SRRM4: variants seen among roughly 807,000 people sequenced by gnomAD.
The protein encoded by SRRM4 is serine/arginine repetitive matrix 4, also known as serine/arginine repetitive matrix protein 4.
SRRM4 carries 33 observed loss-of-function variants against 68.9 expected under a neutral mutation model. That is an observed-to-expected ratio of 0.48 (90% CI 0.36 to 0.64). The LOEUF (loss-of-function observed/expected upper bound fraction) is 0.64, where lower values mean the gene tolerates loss of function less well. Among genes scored for constraint, SRRM4 ranks in the 30% least tolerant of loss-of-function variants. The pLI, the probability that SRRM4 is intolerant of heterozygous loss-of-function variation, is 0.00. For missense variants in SRRM4, 817 were observed against 827.1 expected (o/e 0.99, Z 0.15); for synonymous variants, 318 against 318.8 (o/e 1.00, Z 0.03).
chr12:119,127,859 G>C, intron 7 of SRRM4, among the ~76,000 whole-genome samples: 1 of 152,228 alleles, frequency 6.6e-6, no homozygotes, highest in Non-Finnish European at 1.5e-5. Flanking sequence ...ACTGTGCTAA[G>C]ATTTTCAATA....
intron 1 of SRRM4, among the ~76,000 whole-genome samples, chr12:119,098,041 C>A (rs11609710): frequency 0.079 from 12,021 of 152,234 alleles, 529 homozygotes; most frequent in African/African-American, 0.1. Flanking sequence ...GTGTGACTTG[C>A]AAGAATTGGT....
intron 1 of SRRM4, among the ~76,000 whole-genome samples, chr12:119,081,269 GGGGA>G (rs1953946034): frequency 1.3e-5 from 2 of 152,186 alleles, no homozygotes; most frequent in Non-Finnish European, 2.9e-5. Context: ...AACATACATT[GGGGA>G]GGGAGTACCA....
At chr12:118,992,765 C>T (rs1291276609) in intron 1 of SRRM4, among the ~76,000 whole-genome samples, 2 of 152,150 alleles carry the variant, frequency 1.3e-5, no homozygotes, top group Non-Finnish European at 2.9e-5. Context: ...TCAAATATAG[C>T]CTCTTCATTT....
intron 1 of SRRM4, among the ~76,000 whole-genome samples, chr12:119,093,116 C>T (rs868048130): frequency 1.3e-5 from 2 of 152,142 alleles, no homozygotes; most frequent in Non-Finnish European, 2.9e-5. Flanking sequence ...TTTAAAATTG[C>T]AAGCCCCTCG....
intron 8 of SRRM4, chr12:119,144,701 T>A (rs2136065259): frequency 6.6e-6 from 1 of 152,308 alleles, no homozygotes; most frequent in East Asian, 1.9e-4. Flanking sequence ...CTGTTTAACT[T>A]CCATTTTTTT....
In SRRM4 at chr12:119,120,241, T is replaced by C. The variant is rs1954210862; in HGVS notation, c.438-9T>C. 1 of 1,544,662 alleles carries C rather than the reference T, an allele frequency of 6.5e-7. No homozygotes were observed. Among genetic ancestry groups the C allele is most frequent in the Non-Finnish European group, 8.8e-7 (1 of 1,142,688 alleles). ...CTTCTTTTCATTTTTTTTCTTTCTT[T>C]CTTTTCAGGTCATTCTCCAAGAAGA... is the stretch of plus-strand genomic sequence containing the variant. On this transcript the variant is annotated splice_polypyrimidine_tract_variant and intron_variant, in intron 4 of 12. Transcript: ENST00000267260.
chr12:119,023,857 GATAA>G (rs1953531104), intron 1 of SRRM4, among the ~76,000 whole-genome samples: 1 of 151,980 alleles, frequency 6.6e-6, no homozygotes, highest in Non-Finnish European at 1.5e-5. Context: ...TATTCCAATA[GATAA>G]ATACTGTTCC....
chr12:119,076,555 A>G (rs1180835365), intron 1 of SRRM4, among the ~76,000 whole-genome samples: 1 of 152,236 alleles, frequency 6.6e-6, no homozygotes, highest in Non-Finnish European at 1.5e-5. Flanking sequence ...TGAACTTCTC[A>G]TATATTAAAA....
At chr12:119,063,112 A>T (rs1158229165) in intron 1 of SRRM4, among the ~76,000 whole-genome samples, 46 of 152,212 alleles carry the variant, frequency 3.0e-4, no homozygotes, top group Admixed American at 3.0e-3. Context: ...CATTTAGAAA[A>T]CATTACTGGT....
chr12:119,160,202 G>A lies in SRRM4; in HGVS notation c.*3404G>A, dbSNP rs1358847901. ...GCAAGGGAGTGCCCCTTTCCTGGGTGAAGTTTACAAGAAGGCTGCTTAAAT... is the reference window on the plus strand; with the variant it reads ...GCAAGGGAGTGCCCCTTTCCTGGGTAAAGTTTACAAGAAGGCTGCTTAAAT... On this transcript the variant is annotated 3_prime_UTR_variant, in exon 13 of 13. Coordinates refer to ENST00000267260, the MANE Select transcript of SRRM4 (RefSeq NM_194286.4). 2 of 152,134 alleles carry A rather than the reference G, an allele frequency of 1.3e-5. No homozygotes were observed. The highest frequency in any genetic ancestry group is 4.8e-5 in the African/African-American group (2 of 41,426). 9.4% of individuals were successfully genotyped at this position (152,134 alleles called of 1,614,324 possible).
At chr12:119,092,544 C>A (rs1416363358) in intron 1 of SRRM4, among the ~76,000 whole-genome samples, 1 of 152,306 alleles carries the variant, frequency 6.6e-6, no homozygotes, top group East Asian at 1.9e-4. Flanking sequence ...CTTGGCCCCT[C>A]TCTTTCACAC....
At chr12:119,126,669 G>A (rs1201998362) in intron 7 of SRRM4, among the ~76,000 whole-genome samples, 1 of 152,182 alleles carries the variant, frequency 6.6e-6, no homozygotes, top group Non-Finnish European at 1.5e-5. Flanking sequence ...GCATCTTGTT[G>A]ATGAGAAGAA....
intron 7 of SRRM4, among the ~76,000 whole-genome samples, chr12:119,126,773 G>A (rs58762899): frequency 0.11 from 16,718 of 151,190 alleles, 1,161 homozygotes; most frequent in African/African-American, 0.19. Flanking sequence ...TGTTTATTGC[G>A]GCATTATTCA....
rs747586757 is a variant in SRRM4, at chr12:119,151,076, C to T, written c.1136C>T (p.Ser379Phe). The T allele has an allele frequency of 6.2e-7, 1 of 1,613,968 alleles. No individual in the cohort carries two copies. The highest frequency in any genetic ancestry group is 2.2e-5 in the East Asian group (1 of 44,866). ...GTGAAGAAGTCCAGTTTGGTCCCAT[C>T]CACAGCCCGGAGCTCACCCATGAAA... ...AEVKKSSLVP[S>F]TARSSPMKGC... Residue 379 changes from serine to phenylalanine, a missense_variant, in exon 10 of 13, where the codon TCC becomes TTC. Physicochemically the swap from Ser to Phe is radical, Grantham distance 155. Transcript: ENST00000267260.
intron 1 of SRRM4, among the ~76,000 whole-genome samples, chr12:119,066,101 T>G (rs538536535): frequency 6.6e-6 from 1 of 152,350 alleles, no homozygotes; most frequent in East Asian, 1.9e-4. Context: ...ACTTTACTGG[T>G]TTCAGGCTTT....
intron 1 of SRRM4, among the ~76,000 whole-genome samples, chr12:119,045,605 T>A (rs1395836430): frequency 2.6e-5 from 4 of 151,978 alleles, no homozygotes; most frequent in Non-Finnish European, 5.9e-5. Context: ...GCTAGATTTG[T>A]CTCTAATGCC....
rs1159634229 is a variant in SRRM4, at chr12:119,162,510, A to G, written c.*5712A>G. The stretch of plus-strand genomic sequence containing the variant: ...AGGTCATATTGCCACTTTTCAGAGG[A>G]GAAAACTGAGGCTCAGGAGGGGGAG... On this transcript the variant is annotated 3_prime_UTR_variant, in exon 13 of 13. Coordinates refer to ENST00000267260, the MANE Select transcript of SRRM4 (RefSeq NM_194286.4). The G allele has an allele frequency of 6.6e-6, 1 of 152,186 alleles. No homozygotes were observed. Among genetic ancestry groups the G allele is most frequent in the African/African-American group, 2.4e-5 (1 of 41,448 alleles). The allele number at this position is 152,186 out of a possible 1,614,324, so 9.4% of individuals were successfully genotyped here.
At chr12:118,983,759 T>C (rs1391414983) in intron 1 of SRRM4, among the ~76,000 whole-genome samples, 1 of 152,228 alleles carries the variant, frequency 6.6e-6, no homozygotes, top group Admixed American at 6.5e-5. Context: ...TCCACTTTTG[T>C]CTGTCTCTCT....
At chr12:118,982,735 C>T (rs1953258599) in intron 1 of SRRM4, among the ~76,000 whole-genome samples, 1 of 139,648 alleles carries the variant, frequency 7.2e-6, no homozygotes, top group South Asian at 2.4e-4. Flanking sequence ...GGGATGAGAA[C>T]CGATCCTTGG....
Sources: allele counts gnomAD v4.1 joint callset (sites outside exome capture counted in the v4.1 genomes callset), GRCh38; gene constraint gnomAD v4.1.1; transcripts MANE v1.5; gene names NCBI Gene and HGNC (gene_info 2026-07-23, HGNC 2026-07-21).